RBFOX1: variants seen among roughly 807,000 people sequenced by gnomAD.
RBFOX1 encodes the protein RNA binding protein fox-1 homolog 1.
RBFOX1 carries 8 observed loss-of-function variants against 57.7 expected under a neutral mutation model. That is an observed-to-expected ratio of 0.14 (90% confidence interval 0.08 to 0.25). The LOEUF is 0.25. Ranked by LOEUF, RBFOX1 falls within the 10% of genes least tolerant of loss-of-function variation. RBFOX1 has a pLI of 1.00. For missense variants in RBFOX1, 611 were observed against 548.5 expected (o/e 1.11, Z -1.14); for synonymous variants, 326 against 222.4 (o/e 1.47, Z -4.15).
chr16:6,659,230 C>A (rs372001943), intron 3 of RBFOX1, among the ~76,000 whole-genome samples: 3 of 30,952 alleles, frequency 9.7e-5, no homozygotes, highest in Admixed American at 5.1e-4. Context: ...CAAGAGGAGA[C>A]GAGAGCCCAT....
At chr16:6,712,650 G>A (rs1861038) in intron 3 of RBFOX1, among the ~76,000 whole-genome samples, 133,329 of 152,062 alleles carry the variant, frequency 0.88, 59,355 homozygotes, top group Non-Finnish European at 0.95. Flanking sequence ...CTATCATGGC[G>A]TAGGCACTCT....
At chr16:5,354,321 G>C (rs918981389) in intron 1 of RBFOX1, among the ~76,000 whole-genome samples, 1 of 152,038 alleles carries the variant, frequency 6.6e-6, no homozygotes. Context: ...CTGTCTTTCA[G>C]TCTCTCCTTG....
intron 4 of RBFOX1, among the ~76,000 whole-genome samples, chr16:7,470,367 G>C (rs943935297): frequency 1.6e-4 from 25 of 152,334 alleles, no homozygotes; most frequent in African/African-American, 5.8e-4. Context: ...GCAAATATTT[G>C]AAATGAGTGA....
At chr16:7,062,434 G>A (rs2054657909) in intron 4 of RBFOX1, among the ~76,000 whole-genome samples, 1 of 152,078 alleles carries the variant, frequency 6.6e-6, no homozygotes, top group Non-Finnish European at 1.5e-5. Context: ...CTTGTATGTG[G>A]ATGAATCATG....
At chr16:6,127,630 T>G (rs972237083) in intron 1 of RBFOX1, among the ~76,000 whole-genome samples, 1 of 152,210 alleles carries the variant, frequency 6.6e-6, no homozygotes, top group African/African-American at 2.4e-5. Flanking sequence ...CCAGTCAATT[T>G]TAAACCACCC....
At chr16:5,600,971 A>G (rs919949622), downstream of RBFOX1, among the ~76,000 whole-genome samples, 2 of 152,164 alleles carry the variant, frequency 1.3e-5, no homozygotes, top group African/African-American at 4.8e-5. Flanking sequence ...CACAGCCTGG[A>G]CTTACCCTCT....
chr16:6,450,818 C>CATATATATATGT (rs2094590960), intron 2 of RBFOX1, among the ~76,000 whole-genome samples: 2 of 17,714 alleles, frequency 1.1e-4, no homozygotes, highest in Non-Finnish European at 1.9e-4. Flanking sequence ...TATATATATA[C>CATATATATATGT]ATATATATAT....
intron 3 of RBFOX1, among the ~76,000 whole-genome samples, chr16:6,869,005 C>G (rs1303114218): frequency 6.6e-6 from 1 of 152,072 alleles, no homozygotes; most frequent in African/African-American, 2.4e-5. Flanking sequence ...TGAGTGACTA[C>G]AAAAAACAAA....
intron 1 of RBFOX1, among the ~76,000 whole-genome samples, chr16:5,310,824 A>G (rs971951829): frequency 6.6e-5 from 10 of 152,208 alleles, no homozygotes; most frequent in African/African-American, 2.4e-4. Context: ...GTACAAATGA[A>G]GTACACTCTT....
chr16:6,240,938 G>T (rs1297215106), intron 1 of RBFOX1, among the ~76,000 whole-genome samples: 1 of 152,098 alleles, frequency 6.6e-6, no homozygotes, highest in East Asian at 1.9e-4. Context: ...ATCACACATT[G>T]TGTTTCTACC....
intron 3 of RBFOX1, among the ~76,000 whole-genome samples, chr16:6,749,917 G>C (rs1167972789): frequency 6.6e-6 from 1 of 152,102 alleles, no homozygotes; most frequent in East Asian, 1.9e-4. Flanking sequence ...ATACAATAAG[G>C]GCCAAGCTGA....
At chr16:6,805,274 A>G (rs1670681224) in intron 3 of RBFOX1, among the ~76,000 whole-genome samples, 1 of 152,174 alleles carries the variant, frequency 6.6e-6, no homozygotes, top group South Asian at 2.1e-4. Context: ...TTTCCTTAGC[A>G]AACTATGACA....
intron 3 of RBFOX1, among the ~76,000 whole-genome samples, chr16:5,634,658 C>T (rs931275814): frequency 2.6e-5 from 4 of 152,136 alleles, no homozygotes; most frequent in African/African-American, 7.2e-5. Context: ...GATCATAGAT[C>T]ACTCGGAGTC....
chr16:7,145,350 A>C (rs1052838674), intron 4 of RBFOX1, among the ~76,000 whole-genome samples: 1 of 152,084 alleles, frequency 6.6e-6, no homozygotes, highest in African/African-American at 2.4e-5. Flanking sequence ...GATTGCAGGC[A>C]TGCACCACCA....
At chr16:6,767,947 T>TAATAATAATAATAATAAAG (rs1410744665) in intron 3 of RBFOX1, among the ~76,000 whole-genome samples, 5 of 101,048 alleles carry the variant, frequency 4.9e-5, no homozygotes, top group African/African-American at 1.7e-4. Flanking sequence ...ATAATAATAA[T>TAATAATAATAATAATAAAG]AAGAAGAAGA....
chr16:6,517,367 C>T (rs750313336), intron 2 of RBFOX1, among the ~76,000 whole-genome samples: 2 of 152,188 alleles, frequency 1.3e-5, no homozygotes, highest in East Asian at 1.9e-4. Context: ...TGGGGCAAAA[C>T]TGGAGGGTCG....
rs779942116 is a variant in RBFOX1 at position 7,424,486 on chromosome 16, C to T, written c.28-93661C>T. 3.9e-5 allele frequency among the ~76,000 whole-genome samples: 6 copies of T among 152,292 alleles called. No individual in the cohort carries two copies. The East Asian group carries it at 7.7e-4, about 20-fold the overall frequency. On this transcript the variant is annotated intron_variant, in intron 4 of 15. Transcript: ENST00000550418. The stretch of plus-strand genomic sequence containing the variant: ...CGTTGGCCAGGCAGGTCTTGAACTC[C>T]TGGCCTCATGTGATCCACCCACCTC...
chr16:5,488,468 G>T (rs1308023419), intron 2 of RBFOX1, among the ~76,000 whole-genome samples: 1 of 151,888 alleles, frequency 6.6e-6, no homozygotes, highest in Non-Finnish European at 1.5e-5. Context: ...TGATGGTGTG[G>T]TGGGGTGTGA....
intron 3 of RBFOX1, among the ~76,000 whole-genome samples, chr16:5,605,210 A>T (rs1406927171): frequency 6.6e-6 from 1 of 152,140 alleles, no homozygotes; most frequent in African/African-American, 2.4e-5. Flanking sequence ...GGCAGATTGG[A>T]CTGGATTTCA....
Sources: gnomAD v4.1 joint callset for allele counts (sites outside exome capture counted in the v4.1 genomes callset) on GRCh38, gnomAD v4.1.1 for gene constraint, MANE v1.5 for transcripts, NCBI Gene and HGNC (gene_info 2026-07-23, HGNC 2026-07-21) for gene names.